The following LACC1 variants were observed in gnomAD, a reference collection of about 807,000 sequenced individuals.
LACC1 encodes the protein purine nucleoside phosphorylase LACC1.
In LACC1, 25 loss-of-function variants were observed where a neutral mutation model predicts 34.8. The ratio of observed to expected loss-of-function variants is 0.72; its 90% confidence interval spans 0.52 to 1.00. The LOEUF is 1.00. Among genes scored for constraint, LACC1 ranks in the 50% least tolerant of loss-of-function variants. LACC1 has a pLI of 0.00. For missense variants in LACC1, 426 were observed against 511.2 expected, an observed-to-expected ratio of 0.83 and a Z score of 1.61; for synonymous variants, 162 against 168.0, an observed-to-expected ratio of 0.96 and a Z score of 0.28.
chr13:43,884,707 A>C (rs867672945), intron 4 of LACC1, among the ~76,000 whole-genome samples: 6 of 152,288 alleles, frequency 3.9e-5, no homozygotes, highest in South Asian at 4.1e-4. Flanking sequence ...GATGATCTTT[A>C]AAATTTCCTT....
At position 43,890,230 on chromosome 13, in the gene LACC1, T is replaced by A. The variant is rs1217127460; in HGVS notation, c.1250T>A (p.Leu417His). 6.2e-7 allele frequency: 1 copy of A among 1,613,856 alleles called. No individual in the cohort carries two copies. Among genetic ancestry groups the A allele is most frequent in the East Asian group, 2.2e-5 (1 of 44,844 alleles). Residue 417 changes from leucine (L) to histidine (H), a missense_variant, in exon 6 of 7, where the codon CTT becomes CAT. Physicochemically the swap from Leu to His is moderately conservative, Grantham distance 99 (BLOSUM62 -3). Transcript: ENST00000325686. ...DKFFSHVRDGLNFGTQIGFIS... is the reference protein window; with the variant it reads ...DKFFSHVRDGHNFGTQIGFIS... ...TTTTTCTCCCATGTCCGAGATGGCC[T>A]TAATTTTGGTACACAGATTGGCTTC... is the stretch of plus-strand genomic sequence containing the variant.
rs1954995578 is a variant in LACC1, at chr13:43,881,028, A to G, written c.43A>G (p.Asn15Asp). ...VLIDLFGLKL[N>D]SQKNCHQTLL... ...GATTGATCTTTTTGGTTTGAAATTGAACTCTCAAAAAAACTGCCATCAGAC... is the reference window on the plus strand; with the variant it reads ...GATTGATCTTTTTGGTTTGAAATTGGACTCTCAAAAAAACTGCCATCAGAC... The change falls in exon 2 of 7, where the codon AAC becomes GAC. Residue 15 changes from asparagine to aspartate, a missense_variant. Physicochemically the swap from Asn to Asp is conservative, Grantham distance 23. Around this residue, in one of 2 missense-constraint regions of LACC1, gnomAD observed 217 missense variants for 210.9 expected, o/e 1.03. Transcript: ENST00000325686. 1 of 1,613,940 alleles carries G rather than the reference A, an allele frequency of 6.2e-7. No homozygotes were observed. The highest frequency in any genetic ancestry group is 1.1e-5 in the South Asian group (1 of 91,070).
chr13:43,893,826 T>G lies in LACC1; in HGVS notation c.*2379T>G, dbSNP rs145933579. The G allele has an allele frequency of 8.5e-5, 13 of 152,272 alleles. No homozygotes were observed. In the East Asian group the frequency reaches 2.4e-3, roughly 29 times the overall value. The allele number at this position is 152,272 out of a possible 1,614,324, so 9.4% of individuals were successfully genotyped here. On this transcript the variant is annotated 3_prime_UTR_variant, in exon 7 of 7. Transcript: ENST00000325686. Reference sequence around the variant, plus strand: ...TTGATAATTTTCTAATTCTTCACTGTGCATTATTTTGTTTGAAGTTGGTAA... The same window carrying G: ...TTGATAATTTTCTAATTCTTCACTGGGCATTATTTTGTTTGAAGTTGGTAA...
chr13:43,880,306 G>T (rs1954935641), intron 1 of LACC1, among the ~76,000 whole-genome samples, 187 bp downstream of exon 1: 1 of 151,900 alleles, frequency 6.6e-6, no homozygotes, highest in Non-Finnish European at 1.5e-5. Flanking sequence ...GTCACCAAAG[G>T]GGGTCACCGG....
intron 1 of LACC1, among the ~76,000 whole-genome samples, 189 bp from the exon 2 acceptor site, chr13:43,880,763 G>A (rs1012690424): frequency 6.6e-6 from 1 of 152,170 alleles, no homozygotes; most frequent in Non-Finnish European, 1.5e-5. Flanking sequence ...ATTAAAAGAT[G>A]GCTTTGCTTT....
intron 4 of LACC1, among the ~76,000 whole-genome samples, chr13:43,888,027 G>A (rs1426968262): frequency 6.6e-6 from 1 of 152,150 alleles, no homozygotes; most frequent in Non-Finnish European, 1.5e-5. Flanking sequence ...ATTCGCAATA[G>A]CCAAAAGGTG....
chr13:43,890,929 A>G (rs770987771), intron 6 of LACC1, among the ~76,000 whole-genome samples: 3 of 152,228 alleles, frequency 2.0e-5, no homozygotes, highest in Non-Finnish European at 4.4e-5. Context: ...AGATGAATGA[A>G]TATGTCCGTG....
At chr13:43,885,790 G>A (rs754040803) in intron 4 of LACC1, among the ~76,000 whole-genome samples, 2 of 152,104 alleles carry the variant, frequency 1.3e-5, no homozygotes, top group Non-Finnish European at 2.9e-5. Context: ...CTTCTGCACA[G>A]CAAAAGAAAC....
chr13:43,890,040 A>C, intron 5 of LACC1, 74 bp from the exon 6 acceptor site: 1 of 1,313,884 alleles, frequency 7.6e-7, no homozygotes, highest in Non-Finnish European at 1.1e-6. Flanking sequence ...GCCAACATCC[A>C]TACTTTTTTT....
chr13:43,888,725 T>C, intron 4 of LACC1, 32 bp from the exon 5 acceptor site: 2 of 1,552,330 alleles, frequency 1.3e-6, no homozygotes, highest in Non-Finnish European at 1.8e-6. Flanking sequence ...ATGTTTTGAC[T>C]TCTCTTATCT....
At position 43,888,860 on chromosome 13, in the gene LACC1, A is replaced by G. The variant is rs1955447839; in HGVS notation, c.1011A>G (p.Ser337=). The G allele has an allele frequency of 6.2e-7, 1 of 1,613,792 alleles. No homozygotes were observed. The highest frequency in any genetic ancestry group is 1.3e-5 in the African/African-American group (1 of 74,916). The change falls in exon 5 of 7, where the codon TCA becomes TCG. Residue 337 remains serine, a synonymous_variant. Transcript: ENST00000325686. ...ACATTGTTGTTGTACTTGGACCTTCAGTAGGACCTTGCTGTTTTACTCTTC... is the reference window on the plus strand; with the variant it reads ...ACATTGTTGTTGTACTTGGACCTTCGGTAGGACCTTGCTGTTTTACTCTTC... ...LEDIVVVLGP[S]VGPCCFTLPR...
intron 3 of LACC1, among the ~76,000 whole-genome samples, chr13:43,882,568 T>TATATATATATAC (rs1955125081): frequency 6.8e-6 from 1 of 146,608 alleles, no homozygotes; most frequent in East Asian, 2.0e-4. Flanking sequence ...CGTGCAGATA[T>TATATATATATAC]ATATATATAT....
intron 4 of LACC1, among the ~76,000 whole-genome samples, chr13:43,885,188 A>T (rs1955256533): frequency 1.3e-5 from 2 of 152,248 alleles, no homozygotes; most frequent in Non-Finnish European, 2.9e-5. Context: ...TGCCCAAAGC[A>T]ATTTATAGAT....
In LACC1 at chr13:43,881,093, T is replaced by C. The variant is rs1955001732; in HGVS notation, c.108T>C (p.Ala36=). Residue 36 remains alanine (A), a synonymous_variant, in exon 2 of 7, where the codon GCT becomes GCC. Transcript: ENST00000325686. Reference sequence around the variant, plus strand: ...TGAATGCTGTCCAATACCACCATGCTGCCAAGGCCAAGTTTCTCTGTATAA... The same window carrying C: ...TGAATGCTGTCCAATACCACCATGCCGCCAAGGCCAAGTTTCTCTGTATAA... The part of the protein sequence containing the change: ...KTLNAVQYHH[A]AKAKFLCIMC... 6.2e-7 allele frequency: 1 copy of C among 1,614,092 alleles called. No homozygotes were observed. Among genetic ancestry groups the C allele is most frequent in the Admixed American group, 1.7e-5 (1 of 60,002 alleles).
chr13:43,884,360 A>G (rs1167356783), intron 4 of LACC1, among the ~76,000 whole-genome samples: 3 of 152,196 alleles, frequency 2.0e-5, no homozygotes, highest in Admixed American at 6.5e-5. Flanking sequence ...AAACCCTCCA[A>G]GCTTTTCAAA....
At position 43,879,999 on chromosome 13, in the gene LACC1, G is replaced by A. The variant is rs1404240979; in HGVS notation, c.-155G>A. ...AACCGAAGGTGAAGAGCGGGAAGGCGAGGACCGAATCGCCTCTGGTGTGCG... is the reference window on the plus strand; with the variant it reads ...AACCGAAGGTGAAGAGCGGGAAGGCAAGGACCGAATCGCCTCTGGTGTGCG... On this transcript the variant is annotated 5_prime_UTR_variant, in exon 1 of 7. Transcript: ENST00000325686. The A allele has an allele frequency of 6.6e-6, 1 of 152,578 alleles. No homozygotes were observed. Among genetic ancestry groups the A allele is most frequent in the Admixed American group, 6.5e-5 (1 of 15,284 alleles). 9.5% of individuals were successfully genotyped at this position (152,578 alleles called of 1,614,324 possible).
upstream of LACC1, chr13:43,879,795 GGGCGAGGCGAGGCGGGGCGA>G (rs1954865287): frequency 1.3e-5 from 1 of 79,644 alleles, no homozygotes; most frequent in Non-Finnish European, 3.5e-5. Flanking sequence ...GGGCGAGGCG[GGGCGAGGCGAGGCGGGGCGA>G]GGTGGGCGAG....
intron 3 of LACC1, 31 bp from the exon 4 acceptor site, chr13:43,883,740 A>G (rs1955184026): frequency 6.4e-7 from 1 of 1,562,332 alleles, no homozygotes; most frequent in Non-Finnish European, 8.7e-7. Context: ...ACTATTTCCA[A>G]AACATTTTTG....
Position 43,893,255 on chromosome 13 carries a change from T to C in LACC1, c.*1808T>C, listed in dbSNP as rs1484991506. The C allele has an allele frequency of 6.6e-6, 1 of 152,052 alleles. No homozygotes were observed. The highest frequency in any genetic ancestry group is 1.5e-5 in the Non-Finnish European group (1 of 67,898). The allele number at this position is 152,052 out of a possible 1,614,324, so 9.4% of individuals were successfully genotyped here. ...CATTGCCTCATTTTACCTTTACAGC[T>C]ACTCTGAAATACACAGGCATTATCC... On this transcript the variant is annotated 3_prime_UTR_variant, in exon 7 of 7. Transcript: ENST00000325686.
Sources: gnomAD v4.1 joint callset for allele counts (sites outside exome capture counted in the v4.1 genomes callset) on GRCh38, gnomAD v4.1.1 for gene constraint, gnomAD v4.1.1 regional missense constraint, MANE v1.5 for transcripts, NCBI Gene and HGNC (gene_info 2026-07-23, HGNC 2026-07-21) for gene names.